DCC: variants seen among roughly 807,000 people sequenced by gnomAD.
DCC encodes the protein DCC netrin 1 receptor.
A neutral mutation model predicts 172.5 loss-of-function variants in DCC; 58 were observed. That is an observed-to-expected ratio of 0.34 (90% CI 0.27 to 0.42). DCC has a LOEUF of 0.42. DCC is among the 10% of genes least tolerant of loss of function. The pLI is 1.00. For synonymous variants in DCC, 709 were observed against 644.5 expected (o/e 1.10, Z -1.52); for missense variants, 1,740 against 1,791.0 (o/e 0.97, Z 0.51).
At chr18:52,341,774 T>C (rs1983647171) in intron 1 of DCC, among the ~76,000 whole-genome samples, 1 of 152,174 alleles carries the variant, frequency 6.6e-6, no homozygotes. Context: ...AAATGACTCA[T>C]GATAAGGTCC....
chr18:52,478,691 C>A (rs1284785046), intron 1 of DCC, among the ~76,000 whole-genome samples: 1 of 152,128 alleles, frequency 6.6e-6, no homozygotes, highest in Admixed American at 6.5e-5. Flanking sequence ...CATAACATAG[C>A]CACAGCAGGA....
intron 24 of DCC, among the ~76,000 whole-genome samples, chr18:53,464,405 T>G (rs2045593855): frequency 6.6e-6 from 1 of 152,160 alleles, no homozygotes; most frequent in African/African-American, 2.4e-5. Context: ...ACTTAACTTT[T>G]TATTAGTTAT....
chr18:53,152,734 C>T lies in DCC; in HGVS notation c.1262-4622C>T, dbSNP rs540538034. ...CCTCCAAGAGCAAAGAAAAGAAGTCCTGATTGGTTCTTTATTGAGACCTTA... is the reference window on the plus strand; with the variant it reads ...CCTCCAAGAGCAAAGAAAAGAAGTCTTGATTGGTTCTTTATTGAGACCTTA... On this transcript the variant is annotated intron_variant, in intron 7 of 28. Coordinates refer to ENST00000442544, the MANE Select transcript of DCC (RefSeq NM_005215.4). Among the ~76,000 whole-genome samples, 7 of 152,284 alleles carry T rather than the reference C, an allele frequency of 4.6e-5. No individual in the cohort carries two copies. In the East Asian group the frequency reaches 1.2e-3, roughly 25 times the overall value.
At chr18:52,580,926 G>C (rs62083391) in intron 1 of DCC, among the ~76,000 whole-genome samples, 10,378 of 152,226 alleles carry the variant, frequency 0.068, 444 homozygotes, top group Middle Eastern at 0.11. Context: ...ATCACATTCA[G>C]GGTTTTTTAA....
intron 5 of DCC, among the ~76,000 whole-genome samples, chr18:52,990,763 C>A (rs914246620): frequency 6.6e-6 from 1 of 151,950 alleles, no homozygotes; most frequent in Admixed American, 6.6e-5. Context: ...GTAAAAGAAA[C>A]AATTTTTATA....
At chr18:53,263,921 A>T (rs926812757) in intron 12 of DCC, among the ~76,000 whole-genome samples, 1 of 152,104 alleles carries the variant, frequency 6.6e-6, no homozygotes, top group African/African-American at 2.4e-5. Flanking sequence ...TAAAGGAATA[A>T]TTACAATCAA....
intron 15 of DCC, among the ~76,000 whole-genome samples, chr18:53,346,855 C>T (rs1262578861): frequency 2.0e-5 from 3 of 152,132 alleles, no homozygotes; most frequent in African/African-American, 7.2e-5. Flanking sequence ...ATATGTTAGG[C>T]ATTGTCAATG....
rs190238899 is a variant in DCC at position 52,874,795 on chromosome 18, C to A, written c.413-31249C>A. 2.0e-5 allele frequency among the ~76,000 whole-genome samples: 3 copies of A among 152,164 alleles called. No individual in the cohort carries two copies. The East Asian group carries it at 5.8e-4, about 29-fold the overall frequency. On this transcript the variant is annotated intron_variant, in intron 2 of 28. Coordinates refer to ENST00000442544, the MANE Select transcript of DCC (RefSeq NM_005215.4). ...GAGGTCATAGAGACAGAAGGCAGGG[C>A]ACACTACACAGGGCCACAGGGGAAA...
At chr18:53,381,560 ACCC>A (rs747015453) in intron 15 of DCC, among the ~76,000 whole-genome samples, 11 of 93,596 alleles carry the variant, frequency 1.2e-4, no homozygotes, top group African/African-American at 1.5e-4. Context: ...TTTACCCCCC[ACCC>A]CCCCCCCACC....
At chr18:52,600,732 T>G (rs201188800) in intron 1 of DCC, among the ~76,000 whole-genome samples, 2 of 146,824 alleles carry the variant, frequency 1.4e-5, no homozygotes, top group Non-Finnish European at 1.5e-5. Flanking sequence ...GTTGTTGGTG[T>G]TGTTTTTTAA....
chr18:52,722,165 C>T (rs1415351492), intron 1 of DCC, among the ~76,000 whole-genome samples: 1 of 152,100 alleles, frequency 6.6e-6, no homozygotes, highest in African/African-American at 2.4e-5. Flanking sequence ...AACATCATTC[C>T]CTTGCTGTTC....
intron 7 of DCC, among the ~76,000 whole-genome samples, chr18:53,089,416 T>A (rs1175881457): frequency 6.6e-6 from 1 of 152,090 alleles, no homozygotes; most frequent in African/African-American, 2.4e-5. Flanking sequence ...AATTTTTTCC[T>A]CTTTCATGCC....
intron 21 of DCC, among the ~76,000 whole-genome samples, chr18:53,431,571 T>C (rs1911620172): frequency 6.6e-6 from 1 of 151,938 alleles, no homozygotes; most frequent in Non-Finnish European, 1.5e-5. Context: ...CACTGCAACC[T>C]CTACCTCCTG....
At chr18:52,893,211 A>C (rs1405659867) in intron 2 of DCC, among the ~76,000 whole-genome samples, 1 of 152,120 alleles carries the variant, frequency 6.6e-6, no homozygotes, top group Non-Finnish European at 1.5e-5. Context: ...GCACTCAGGC[A>C]CATGTCTTTG....
At chr18:53,175,872 G>C (rs1050921190) in intron 8 of DCC, among the ~76,000 whole-genome samples, 7 of 152,220 alleles carry the variant, frequency 4.6e-5, no homozygotes, top group African/African-American at 1.2e-4. Flanking sequence ...ATTGCCAAGT[G>C]AATCCTAAGC....
At chr18:53,131,213 T>A (rs887712588) in intron 7 of DCC, among the ~76,000 whole-genome samples, 13 of 152,122 alleles carry the variant, frequency 8.5e-5, no homozygotes, top group Non-Finnish European at 4.4e-5. Flanking sequence ...CAGCATAATT[T>A]TCTTGTACTA....
chr18:53,068,793 GTGTGTATGTGTA>G (rs1285952391), intron 7 of DCC, among the ~76,000 whole-genome samples: 35 of 151,334 alleles, frequency 2.3e-4, no homozygotes, highest in East Asian at 1.4e-3. Flanking sequence ...GTGTGTGTGT[GTGTGTATGTGTA>G]TGTGTGTGTG....
In DCC at chr18:52,493,230, A is replaced by G. The variant is rs1229850907; in HGVS notation, c.91+152352A>G. 5.3e-5 allele frequency among the ~76,000 whole-genome samples: 8 copies of G among 152,160 alleles called. No homozygotes were observed. The South Asian group carries it at 1.7e-3, about 32-fold the overall frequency. On this transcript the variant is annotated intron_variant, in intron 1 of 28. Transcript: ENST00000442544. ...AGAATGGCTGCTCCTCCCAGACTTC[A>G]GGGCTAGCACCTTACATTTACATGA...
intron 9 of DCC, among the ~76,000 whole-genome samples, chr18:53,182,828 C>T (rs1448528379): frequency 6.6e-6 from 1 of 152,176 alleles, no homozygotes; most frequent in Non-Finnish European, 1.5e-5. Context: ...TCCTCCTTCC[C>T]GCCATCCTTC....
Sources: allele counts gnomAD v4.1 joint callset (sites outside exome capture counted in the v4.1 genomes callset), GRCh38; gene constraint gnomAD v4.1.1; transcripts MANE v1.5; gene names NCBI Gene and HGNC (gene_info 2026-07-23, HGNC 2026-07-21).